The following BAP1 variants were observed in gnomAD, a reference collection of about 807,000 sequenced individuals.
BAP1 encodes ubiquitin carboxyl-terminal hydrolase BAP1.
In BAP1, 16 loss-of-function variants were observed where a neutral mutation model predicts 77.2. That is an observed-to-expected ratio of 0.21 (90% CI 0.14 to 0.31). The LOEUF (loss-of-function observed/expected upper bound fraction) is 0.31, where lower values mean the gene tolerates loss of function less well. Ranked by LOEUF, BAP1 falls within the 10% of genes least tolerant of loss-of-function variation. The pLI is 1.00. For missense variants in BAP1, 699 were observed against 967.3 expected (o/e 0.72, Z 3.68); for synonymous variants, 362 against 385.2 (o/e 0.94, Z 0.71).
rs540356607 is a variant in BAP1 at position 52,404,654 on chromosome 3, G to A, written c.1117-68C>T. On this transcript the variant is annotated intron_variant, in intron 11 of 16. Coordinates refer to ENST00000460680, the MANE Select transcript of BAP1 (RefSeq NM_004656.4). ...CCCAGGCTGAGCCTAGACACTCACA[G>A]CCAGAGAGAAAGCCAACATGGTTTT... 8.3e-6 allele frequency: 13 copies of A among 1,563,204 alleles called. No individual in the cohort carries two copies. In the African/African-American group the frequency reaches 1.5e-4, roughly 18 times the overall value.
Position 52,403,717 on chromosome 3 carries a change from C to T in BAP1, c.1428G>A (p.Val476=). 1.2e-6 allele frequency: 2 copies of T among 1,614,022 alleles called. No individual in the cohort carries two copies. The highest frequency in any genetic ancestry group is 1.7e-6 in the Non-Finnish European group (2 of 1,180,012). ...AGGGCTGCGAGTGTGTGGGCACTGC[C>T]ACAGCCGGACTCCCAGCCCCGCTGC... is the stretch of plus-strand genomic sequence containing the variant. ...KTSSGAGSPA[V]AVPTHSQPSP... The change falls in exon 13 of 17, where the codon GTG becomes GTA. Residue 476 remains valine (V), a synonymous_variant. Coordinates refer to ENST00000460680, the MANE Select transcript of BAP1 (RefSeq NM_004656.4). This position sits in a 1 kb window ranked among gnomAD's most constrained non-coding sequence, Gnocchi z 4.0.
At chr3:52,408,331 T>G in intron 4 of BAP1, 143 bp downstream of exon 4, 1 of 1,372,478 alleles carries the variant, frequency 7.3e-7, no homozygotes, top group Non-Finnish European at 1.0e-6. Context: ...AATTAAGAGT[T>G]CAGTTCGTTC....
rs1705168579 is a variant in BAP1, at chr3:52,406,648, A to G, written c.659+181T>C. The G allele has an allele frequency of 3.6e-6, 3 of 843,376 alleles. No homozygotes were observed. Among genetic ancestry groups the G allele is most frequent in the Admixed American group, 4.3e-5 (2 of 46,576 alleles). 52.2% of individuals were successfully genotyped at this position (843,376 alleles called of 1,614,324 possible). On this transcript the variant is annotated intron_variant, in intron 8 of 16. Transcript: ENST00000460680. The surrounding 1 kb of genome is among the most constrained non-coding windows in gnomAD (Gnocchi z 4.6). ...CTGCCCCTCCCCCAGCCCACCCAGGAGCAGGCCACAGGCAGCCCAGGCAGG... is the reference window on the plus strand; with the variant it reads ...CTGCCCCTCCCCCAGCCCACCCAGGGGCAGGCCACAGGCAGCCCAGGCAGG...
rs1704949989 is a variant in BAP1 at position 52,401,416 on chromosome 3, T to A, written c.*872A>T. On this transcript the variant is annotated 3_prime_UTR_variant, in exon 17 of 17. Coordinates refer to ENST00000460680, the MANE Select transcript of BAP1 (RefSeq NM_004656.4). ...CTCTGCTACCCCTGAGAGGGAGACA[T>A]GGTAATACTGAGGGGCTGGACAGAG... 1 of 233,360 alleles carries A rather than the reference T, an allele frequency of 4.3e-6. No individual in the cohort carries two copies. 14.5% of individuals were successfully genotyped at this position (233,360 alleles called of 1,614,324 possible).
At position 52,406,956 on chromosome 3, in the gene BAP1, G is replaced by A. The variant is rs1288158445; in HGVS notation, c.581-49C>T. 6.5e-7 allele frequency: 1 copy of A among 1,545,256 alleles called. No homozygotes were observed. Among genetic ancestry groups the A allele is most frequent in the Non-Finnish European group, 8.8e-7 (1 of 1,139,506 alleles). ...TCAGCGAGAAGGAAACCCTGAGTTT[G>A]GGCAGGCCAGGAGTGGGAAGGAAGA... On this transcript the variant is annotated intron_variant, in intron 7 of 16. Coordinates refer to ENST00000460680, the MANE Select transcript of BAP1 (RefSeq NM_004656.4). The surrounding 1 kb of genome is among the most constrained non-coding windows in gnomAD (Gnocchi z 4.6).
rs1323637503 is a variant in BAP1 at position 52,407,199 on chromosome 3, C to T, written c.555G>A (p.Gly185=). 4 of 1,614,128 alleles carry T rather than the reference C, an allele frequency of 2.5e-6. No individual in the cohort carries two copies. The South Asian group carries it at 3.3e-5, about 13-fold the overall frequency. The change falls in exon 7 of 17, where the codon GGG becomes GGA. Residue 185 remains glycine (G), a synonymous_variant. Transcript: ENST00000460680. The part of the protein sequence containing the change: ...PITGRLFELD[G]LKVYPIDHGP... ...CATGGTCAATGGGGTAGACCTTCAGCCCATCCAGCTCAAAGAGCCGGCCTG... is the reference window on the plus strand; with the variant it reads ...CATGGTCAATGGGGTAGACCTTCAGTCCATCCAGCTCAAAGAGCCGGCCTG...
chr3:52,403,383 A>G lies in BAP1; in HGVS notation c.1729+33T>C. On this transcript the variant is annotated intron_variant, in intron 13 of 16. Transcript: ENST00000460680. This position sits in a 1 kb window ranked among gnomAD's most constrained non-coding sequence, Gnocchi z 4.0. ...CACTTCCCTCCTCCCTCCTGGGTGC[A>G]CCAAGTGGCCAGTGAGCCAGTCCAA... 1 of 1,612,544 alleles carries G rather than the reference A, an allele frequency of 6.2e-7. No homozygotes were observed. The highest frequency in any genetic ancestry group is 8.5e-7 in the Non-Finnish European group (1 of 1,179,362).
rs1559585277 is a variant in BAP1 at position 52,402,762 on chromosome 3, C to G, written c.1983+17G>C. On this transcript the variant is annotated intron_variant, in intron 15 of 16. Transcript: ENST00000460680. The surrounding 1 kb of genome is among the most constrained non-coding windows in gnomAD (Gnocchi z 5.3). Reference sequence around the variant, plus strand: ...CCTCGGGAGAGGCCAGATCAGGCAACTGGAGAAATCACCCACCTTGAACTT... The same window carrying G: ...CCTCGGGAGAGGCCAGATCAGGCAAGTGGAGAAATCACCCACCTTGAACTT... 6.2e-7 allele frequency: 1 copy of G among 1,614,240 alleles called. No homozygotes were observed. The highest frequency in any genetic ancestry group is 1.7e-5 in the Admixed American group (1 of 60,036).
In BAP1 at chr3:52,405,168, A is replaced by T; in HGVS notation, c.1058T>A (p.Ile353Asn). 6.2e-7 allele frequency: 1 copy of T among 1,614,130 alleles called. No homozygotes were observed. Among genetic ancestry groups the T allele is most frequent in the African/African-American group, 1.3e-5 (1 of 75,058 alleles). ...TAGAAAGGCCGGCAGCCGCTGGACAATGGGAGTGGGGTTGGGGTGAACCCC... is the reference window on the plus strand; with the variant it reads ...TAGAAAGGCCGGCAGCCGCTGGACATTGGGAGTGGGGTTGGGGTGAACCCC... ...LNGVHPNPTP[I>N]VQRLPAFLDN... The change falls in exon 11 of 17, where the codon ATT becomes AAT. Residue 353 changes from isoleucine (I) to asparagine (N), a missense_variant. By Grantham distance (149) the Ile-to-Asn change is moderately radical. Coordinates refer to ENST00000460680, the MANE Select transcript of BAP1 (RefSeq NM_004656.4).
intron 10 of BAP1, chr3:52,405,521 A>AAAACC: frequency 1.7e-5 from 8 of 481,096 alleles, no homozygotes; most frequent in East Asian, 4.1e-5. Context: ...AAAAAAAAAA[A>AAAACC]CCGCCTCTAG....
rs878854740 is a variant in BAP1 at position 52,406,862 on chromosome 3, A to G, written c.626T>C (p.Val209Ala). The change falls in exon 8 of 17, where the codon GTC (valine) becomes GCC (alanine). Residue 209 changes from valine (V) to alanine (A), a missense_variant. Coordinates refer to ENST00000460680, the MANE Select transcript of BAP1 (RefSeq NM_004656.4). The surrounding 1 kb of genome is among the most constrained non-coding windows in gnomAD (Gnocchi z 4.6). ...GGCGAGGCCGATACGCTCCATGATG[A>G]CCCGCCGGGCCTTGTCTGTCCACTC... The part of the protein sequence containing the change: ...DEEWTDKARR[V>A]IMERIGLATA... 1 of 1,563,236 alleles carries G rather than the reference A, an allele frequency of 6.4e-7. No individual in the cohort carries two copies. Among genetic ancestry groups the G allele is most frequent in the Non-Finnish European group, 8.7e-7 (1 of 1,153,384 alleles).
intron 4 of BAP1, 119 bp from the exon 5 acceptor site, chr3:52,408,196 A>G (rs1705227003): frequency 5.4e-6 from 8 of 1,478,132 alleles, no homozygotes; most frequent in Non-Finnish European, 7.4e-6. Flanking sequence ...TCCCCTTCTC[A>G]GCTCCTTTCA....
chr3:52,404,872 CA>C (rs1448748988), intron 11 of BAP1, among the ~76,000 whole-genome samples: 1 of 152,220 alleles, frequency 6.6e-6, no homozygotes, highest in Non-Finnish European at 1.5e-5. Context: ...GTGACCTAAA[CA>C]TTTAATCCCA....
In BAP1 at chr3:52,401,965, G is replaced by C; in HGVS notation, c.*323C>G. ...TGGGTTGGAGCCCAGAAAAATAGAT[G>C]TCTCTGATAGGTAAAATATATATTC... is the stretch of plus-strand genomic sequence containing the variant. On this transcript the variant is annotated 3_prime_UTR_variant, in exon 17 of 17. Coordinates refer to ENST00000460680, the MANE Select transcript of BAP1 (RefSeq NM_004656.4). 1 of 477,140 alleles carries C rather than the reference G, an allele frequency of 2.1e-6. No homozygotes were observed. The highest frequency in any genetic ancestry group is 3.8e-6 in the Non-Finnish European group (1 of 263,302). The allele number at this position is 477,140 out of a possible 1,614,324, so 29.6% of individuals were successfully genotyped here. A position where few individuals can be genotyped will look rare whatever the true frequency, so the allele number is the denominator to read the frequency against.
intron 7 of BAP1, 58 bp downstream of exon 7, chr3:52,407,116 C>T (rs1705190972): frequency 1.2e-6 from 2 of 1,610,524 alleles, no homozygotes; most frequent in African/African-American, 1.3e-5. Flanking sequence ...GCCCTGAGCC[C>T]CAGCTCCCTA....
In BAP1 at chr3:52,409,899, C is replaced by G; in HGVS notation, c.-21G>C. 6.2e-7 allele frequency: 1 copy of G among 1,604,200 alleles called. No homozygotes were observed. On this transcript the variant is annotated 5_prime_UTR_variant, in exon 1 of 17. Transcript: ENST00000460680. ...TTCATCTTCCCGCGGGGCGGCCCCTCAGCGCCATGTCCAGGCCCTCCCTCC... is the reference window on the plus strand; with the variant it reads ...TTCATCTTCCCGCGGGGCGGCCCCTGAGCGCCATGTCCAGGCCCTCCCTCC...
rs869312493 is a variant in BAP1, at chr3:52,402,993, C to T, written c.1891-122G>A. 37 of 1,598,106 alleles carry T rather than the reference C, an allele frequency of 2.3e-5. No homozygotes were observed. The highest frequency in any genetic ancestry group is 3.1e-5 in the Non-Finnish European group (36 of 1,177,112). On this transcript the variant is annotated intron_variant, in intron 14 of 16. Transcript: ENST00000460680. The surrounding 1 kb of genome is among the most constrained non-coding windows in gnomAD (Gnocchi z 5.3). ...ATGCCTATCAAGGCCCCTGCCACCA[C>T]CCAACCCAGAAAGTCTTCTGGCACA...
chr3:52,403,156 C>T lies in BAP1; in HGVS notation c.1872G>A (p.Gly624=), dbSNP rs375950004. Residue 624 remains glycine, a synonymous_variant, in exon 14 of 17, where the codon GGG becomes GGA. Transcript: ENST00000460680. The surrounding 1 kb of genome is among the most constrained non-coding windows in gnomAD (Gnocchi z 4.0). Reference sequence around the variant, plus strand: ...GGCTCACCTTGGGTGAGTATTTCTCCCCACTCAAGGGCTCGCCAGGCCTCA... The same window carrying T: ...GGCTCACCTTGGGTGAGTATTTCTCTCCACTCAAGGGCTCGCCAGGCCTCA... ...GMVRPGEPLS[G]EKYSPKELLA... 9.4e-5 allele frequency: 151 copies of T among 1,613,668 alleles called. No individual in the cohort carries two copies. Among genetic ancestry groups the T allele is most frequent in the Non-Finnish European group, 1.2e-4 (145 of 1,180,040 alleles).
chr3:52,401,565 C>G lies in BAP1; in HGVS notation c.*723G>C, dbSNP rs1366941367. ...GCTATGGAGAGCAGTCTTGAACAGC[C>G]TGGCTAGAACAAGGAAGACAGTTCA... On this transcript the variant is annotated 3_prime_UTR_variant, in exon 17 of 17. Transcript: ENST00000460680. 2 of 234,206 alleles carry G rather than the reference C, an allele frequency of 8.5e-6. No individual in the cohort carries two copies. The highest frequency in any genetic ancestry group is 1.7e-5 in the Non-Finnish European group (2 of 118,478). The allele number at this position is 234,206 out of a possible 1,614,324, so 14.5% of individuals were successfully genotyped here. A position where few individuals can be genotyped will look rare whatever the true frequency, so the allele number is the denominator to read the frequency against.
Sources: gnomAD v4.1 joint callset for allele counts (sites outside exome capture counted in the v4.1 genomes callset) on GRCh38, gnomAD v4.1.1 for gene constraint, Gnocchi (gnomAD v3.1) non-coding constraint, MANE v1.5 for transcripts, NCBI Gene and HGNC (gene_info 2026-07-23, HGNC 2026-07-21) for gene names.